GPN1: variants seen among roughly 807,000 people sequenced by gnomAD.
The protein encoded by GPN1 is GPN-loop GTPase 1.
In GPN1, 44 loss-of-function variants were observed where a neutral mutation model predicts 55.9. The ratio of observed to expected loss-of-function variants is 0.79; its 90% CI spans 0.62 to 1.01. The LOEUF (loss-of-function observed/expected upper bound fraction) is 1.01, where lower values mean the gene tolerates loss of function less well. GPN1 is among the 50% of genes least tolerant of loss of function. The pLI is 0.00. For missense variants in GPN1, 466 were observed against 462.8 expected (o/e 1.01, Z -0.06); for synonymous variants, 179 against 162.5 (o/e 1.10, Z -0.77).
chr2:27,628,248 CTG>C (rs1340426057), upstream of GPN1: 105 of 791,856 alleles, frequency 1.3e-4, no homozygotes, highest in Admixed American at 2.0e-3. Flanking sequence ...TTACTGAACA[CTG>C]TTTGCAGCTA....
chr2:27,634,275 A>G (rs888675344), intron 5 of GPN1, among the ~76,000 whole-genome samples: 26 of 152,252 alleles, frequency 1.7e-4, no homozygotes, highest in African/African-American at 5.5e-4. Context: ...ATATCAAATT[A>G]ATTCACAAAA....
At chr2:27,645,202 C>T (rs888569887) in intron 12 of GPN1, among the ~76,000 whole-genome samples, 1 of 152,136 alleles carries the variant, frequency 6.6e-6, no homozygotes, top group African/African-American at 2.4e-5. Flanking sequence ...AACTCTTGGC[C>T]TCAGGCAGTC....
chr2:27,639,004 G>A lies in GPN1; in HGVS notation c.690G>A (p.Val230=), dbSNP rs202218526. Residue 230 remains valine, a synonymous_variant, in exon 9 of 14, where the codon GTG becomes GTA. Transcript: ENST00000610189. ...VSNLTRSMSL[V]LDEFYSSLRV... is the part of the protein sequence containing the mutation. ...ACCTGACTCGTTCAATGAGCCTGGTGTTAGATGAGTTTTACAGCTCACTCA... is the reference window on the plus strand; with the variant it reads ...ACCTGACTCGTTCAATGAGCCTGGTATTAGATGAGTTTTACAGCTCACTCA... 6.2e-5 allele frequency: 100 copies of A among 1,612,466 alleles called. No individual in the cohort carries two copies. The highest frequency in any genetic ancestry group is 2.9e-4 in the South Asian group (26 of 90,884).
intron 7 of GPN1, 73 bp from the exon 8 acceptor site, chr2:27,638,137 C>T (rs1050047834): frequency 2.5e-6 from 2 of 810,506 alleles, no homozygotes; most frequent in African/African-American, 3.4e-5. Flanking sequence ...CTTACTTAGT[C>T]CCGACATGCT....
rs772961209 is a variant in GPN1, at chr2:27,635,205, C to G, written c.495C>G (p.Thr165=). 21 of 1,597,642 alleles carry G rather than the reference C, an allele frequency of 1.3e-5. No homozygotes were observed. The highest frequency in any genetic ancestry group is 2.7e-5 in the African/African-American group (2 of 74,488). ...MDTSRSTNPV[T]FMSNMLYACS... is the part of the protein sequence containing the mutation. Reference sequence around the variant, plus strand: ...CATCGAGAAGTACCAACCCAGTGACCTTCATGTCCAACATGCTCTATGCCT... The same window carrying G: ...CATCGAGAAGTACCAACCCAGTGACGTTCATGTCCAACATGCTCTATGCCT... Residue 165 remains threonine, a synonymous_variant, in exon 7 of 14, where the codon ACC becomes ACG. Coordinates refer to ENST00000610189, the MANE Select transcript of GPN1 (RefSeq NM_007266.4).
chr2:27,650,586 C>T lies in GPN1; in HGVS notation c.*386C>T, dbSNP rs1356731630. ...CTCTATTATTAGGCTAGATGTATAG[C>T]CTCTACTCCCCCAGCTTCTTGCTCT... On this transcript the variant is annotated 3_prime_UTR_variant, in exon 14 of 14. Coordinates refer to ENST00000610189, the MANE Select transcript of GPN1 (RefSeq NM_007266.4). The T allele has an allele frequency of 6.4e-6, 1 of 155,320 alleles. No homozygotes were observed. Among genetic ancestry groups the T allele is most frequent in the East Asian group, 1.8e-4 (1 of 5,442 alleles). The allele number at this position is 155,320 out of a possible 1,614,324, so 9.6% of individuals were successfully genotyped here. A position where few individuals can be genotyped will look rare whatever the true frequency, so the allele number is the denominator to read the frequency against.
At position 27,634,885 on chromosome 2, in the gene GPN1, C is replaced by T. The variant is rs377022277; in HGVS notation, c.390C>T (p.Phe130=). ...LIDTPGQIEV[F]TWSASGTIIT... ...ACACACCTGGACAGATTGAGGTATTCACCTGGTCAGCTTCTGGGACAATTA... is the reference window on the plus strand; with the variant it reads ...ACACACCTGGACAGATTGAGGTATTTACCTGGTCAGCTTCTGGGACAATTA... Residue 130 remains phenylalanine (F), a synonymous_variant, in exon 6 of 14, where the codon TTC becomes TTT. Coordinates refer to ENST00000610189, the MANE Select transcript of GPN1 (RefSeq NM_007266.4). 37 of 1,603,026 alleles carry T rather than the reference C, an allele frequency of 2.3e-5. No homozygotes were observed. Among genetic ancestry groups the T allele is most frequent in the Admixed American group, 8.3e-5 (5 of 59,984 alleles).
chr2:27,632,762 G>C lies in GPN1; in HGVS notation c.350+92G>C, dbSNP rs189441443. 30 of 860,848 alleles carry C rather than the reference G, an allele frequency of 3.5e-5. No homozygotes were observed. The African/African-American group carries it at 3.9e-4, about 11-fold the overall frequency. 53.3% of individuals were successfully genotyped at this position (860,848 alleles called of 1,614,324 possible). On this transcript the variant is annotated intron_variant, in intron 5 of 13. Coordinates refer to ENST00000610189, the MANE Select transcript of GPN1 (RefSeq NM_007266.4). ...TCTGGGATACCATCAGCCTCTGAAA[G>C]AATATAGATTGAGATGAAACCATTA...
Position 27,639,046 on chromosome 2 carries a change from CT to C in GPN1, c.717+16del. On this transcript the variant is annotated intron_variant, in intron 9 of 13. Transcript: ENST00000610189. ...GCTCACTCAGGGTAAATTTTCTCTC[CT>C]GCTCACACTGACAGCCTCTCCAGAT... 1 of 1,584,940 alleles carries C rather than the reference CT, an allele frequency of 6.3e-7. No homozygotes were observed. The highest frequency in any genetic ancestry group is 1.1e-5 in the South Asian group (1 of 87,688).
At chr2:27,645,483 G>A (rs961727411) in intron 12 of GPN1, among the ~76,000 whole-genome samples, 2 of 151,778 alleles carry the variant, frequency 1.3e-5, no homozygotes, top group Non-Finnish European at 2.9e-5. Context: ...ATTTTAGTTG[G>A]GATTACATTA....
Position 27,631,783 on chromosome 2 carries a change from A to G in GPN1, c.246-51A>G, listed in dbSNP as rs749643508. On this transcript the variant is annotated intron_variant, in intron 3 of 13. Coordinates refer to ENST00000610189, the MANE Select transcript of GPN1 (RefSeq NM_007266.4). Reference sequence around the variant, plus strand: ...TTGTGTGAATGATAGCCTAGGTATGAACTTTATAATCTAATCTATAAGCGA... The same window carrying G: ...TTGTGTGAATGATAGCCTAGGTATGGACTTTATAATCTAATCTATAAGCGA... The G allele has an allele frequency of 1.4e-5, 15 of 1,036,648 alleles. No individual in the cohort carries two copies. The African/African-American group carries it at 2.2e-4, about 15-fold the overall frequency. 64.2% of individuals were successfully genotyped at this position (1,036,648 alleles called of 1,614,324 possible).
rs1230678126 is a variant in GPN1, at chr2:27,639,029, A to C, written c.715A>C (p.Arg239=). The C allele has an allele frequency of 6.2e-7, 1 of 1,606,548 alleles. No homozygotes were observed. Among genetic ancestry groups the C allele is most frequent in the African/African-American group, 1.3e-5 (1 of 74,836 alleles). ...GTTAGATGAGTTTTACAGCTCACTC[A>C]GGGTAAATTTTCTCTCCTGCTCACA... ...LVLDEFYSSL[R]VVGVSAVLGT... is the part of the protein sequence containing the mutation. The change falls in exon 9 of 14, where the codon AGG becomes CGG. Residue 239 remains arginine (R), a splice_region_variant and synonymous_variant. Transcript: ENST00000610189.
upstream of GPN1, chr2:27,628,360 G>C: frequency 6.6e-7 from 1 of 1,522,498 alleles, no homozygotes; most frequent in Non-Finnish European, 8.8e-7. Flanking sequence ...TCAGTGACTG[G>C]AGGGGAGGAA....
chr2:27,631,440 T>C (rs1673550312), intron 3 of GPN1: 1 of 414,864 alleles, frequency 2.4e-6, no homozygotes, highest in African/African-American at 2.0e-5. Context: ...CTGTATGAAA[T>C]GTGTACTCTC....
chr2:27,629,923 T>G lies in GPN1; in HGVS notation c.176T>G (p.Val59Gly). 1 of 1,604,624 alleles carries G rather than the reference T, an allele frequency of 6.2e-7. No homozygotes were observed. The highest frequency in any genetic ancestry group is 8.5e-7 in the Non-Finnish European group (1 of 1,171,296). Residue 59 changes from valine (V) to glycine (G), a missense_variant, in exon 2 of 14, where the codon GTA (valine) becomes GGA (glycine). Physicochemically the swap from Val to Gly is moderately radical, Grantham distance 109 (BLOSUM62 -3). Transcript: ENST00000610189. ...TATGTGATCAACCTGGATCCAGCAG[T>G]ACATGAAGTTCCCTTTCCTGCCAAT... ...PPYVINLDPA[V>G]HEVPFPANID...
chr2:27,643,512 TA>T lies in GPN1; in HGVS notation c.931+995del, dbSNP rs1674068114. Among the ~76,000 whole-genome samples the T allele has an allele frequency of 6.6e-6, 1 of 152,184 alleles. No homozygotes were observed. The highest frequency in any genetic ancestry group is 1.5e-5 in the Non-Finnish European group (1 of 68,032). ...GGAAATTAACATTGACATAATACTATAATATTAGCTAACATATAGATCTTAT... is the reference window on the plus strand; with the variant it reads ...GGAAATTAACATTGACATAATACTATATATTAGCTAACATATAGATCTTAT... On this transcript the variant is annotated intron_variant, in intron 12 of 13. Transcript: ENST00000610189. The surrounding 1 kb of genome is among the most constrained non-coding windows in gnomAD (Gnocchi z 4.0).
chr2:27,639,725 T>G (rs1673865277), intron 9 of GPN1, among the ~76,000 whole-genome samples: 1 of 152,114 alleles, frequency 6.6e-6, no homozygotes, highest in Non-Finnish European at 1.5e-5. Flanking sequence ...GGTCTCGCTA[T>G]GTTCCCCAGG....
At chr2:27,635,300 CTTTTTT>C (rs57185039) in intron 7 of GPN1, 66 bp downstream of exon 7, 69 of 523,140 alleles carry the variant, frequency 1.3e-4, no homozygotes, top group African/African-American at 1.1e-3. Context: ...TCTTCTTCCT[CTTTTTT>C]TTTTTTTTTT....
At chr2:27,629,494 G>A (rs1293734424) in intron 1 of GPN1, 1 of 1,206,368 alleles carries the variant, frequency 8.3e-7, no homozygotes, top group Non-Finnish European at 1.2e-6. Context: ...CACAGGTTTT[G>A]GTGAAGATTT....
Sources: gnomAD v4.1 joint callset for allele counts (sites outside exome capture counted in the v4.1 genomes callset) on GRCh38, gnomAD v4.1.1 for gene constraint, Gnocchi (gnomAD v3.1) non-coding constraint, MANE v1.5 for transcripts, NCBI Gene and HGNC (gene_info 2026-07-23, HGNC 2026-07-21) for gene names.